Variants in SSBP3 observed in about 807,000 individuals in gnomAD.
SSBP3 encodes the protein single-stranded DNA-binding protein 3.
Under a neutral mutation model 69.6 loss-of-function variants are expected in SSBP3, and 5 were observed. That is an observed-to-expected ratio of 0.07 (90% CI 0.04 to 0.15). SSBP3 has a LOEUF of 0.15. Among genes scored for constraint, SSBP3 ranks in the 10% least tolerant of loss-of-function variants. SSBP3 has a pLI of 1.00. For missense variants in SSBP3, 312 were observed against 534.0 expected (o/e 0.58, Z 4.10); for synonymous variants, 196 against 193.4 (o/e 1.01, Z -0.11).
intron 4 of SSBP3, among the ~76,000 whole-genome samples, chr1:54,401,634 C>T (rs1649310810): frequency 6.6e-6 from 1 of 152,162 alleles, no homozygotes; most frequent in Non-Finnish European, 1.5e-5. Context: ...TAGATATCTA[C>T]ACAATTTTGC....
At chr1:54,259,869 AG>A (rs1644988790) in intron 5 of SSBP3, among the ~76,000 whole-genome samples, 1 of 152,226 alleles carries the variant, frequency 6.6e-6, no homozygotes, top group South Asian at 2.1e-4. Flanking sequence ...AATTTCAACA[AG>A]TGTGTGTCTT....
chr1:54,310,671 C>A (rs541912942), intron 4 of SSBP3, among the ~76,000 whole-genome samples: 53 of 121,636 alleles, frequency 4.4e-4, no homozygotes, highest in African/African-American at 1.6e-3. Context: ...CAGACCAGGG[C>A]AAGAGCAAGA....
chr1:54,335,007 G>C (rs1466293372), intron 4 of SSBP3, among the ~76,000 whole-genome samples: 1 of 152,198 alleles, frequency 6.6e-6, no homozygotes, highest in East Asian at 1.9e-4. Flanking sequence ...GCAGCACAGA[G>C]GCACTGCCCC....
chr1:54,297,808 T>C (rs1175502576), intron 4 of SSBP3, among the ~76,000 whole-genome samples: 1 of 152,160 alleles, frequency 6.6e-6, no homozygotes, highest in African/African-American at 2.4e-5. Flanking sequence ...AGGGAATGGA[T>C]TCACTTCCTG....
chr1:54,252,948 G>T (rs1370713575), intron 7 of SSBP3, among the ~76,000 whole-genome samples: 3 of 152,190 alleles, frequency 2.0e-5, no homozygotes, highest in African/African-American at 7.2e-5. Context: ...AGGCTGTGCT[G>T]CTGTGGGGGA....
At chr1:54,225,555 C>T in exon 18 of SSBP3, 1 of 644,076 alleles carries the variant, frequency 1.6e-6, no homozygotes, top group Non-Finnish European at 2.2e-6. Context: ...TAAGAAAAAA[C>T]ACAGAAACAG....
intron 4 of SSBP3, among the ~76,000 whole-genome samples, chr1:54,341,639 C>T (rs760935618): frequency 2.0e-5 from 3 of 151,454 alleles, no homozygotes; most frequent in East Asian, 3.9e-4. Context: ...TGCTACCTGC[C>T]GTAAAATATG....
intron 14 of SSBP3, among the ~76,000 whole-genome samples, chr1:54,231,101 T>A (rs1163658299): frequency 2.6e-5 from 4 of 152,222 alleles, no homozygotes; most frequent in Non-Finnish European, 5.9e-5. Flanking sequence ...GGCTGTCTGA[T>A]CTTTCGAGGA....
At chr1:54,259,137 A>G (rs1359011589) in intron 5 of SSBP3, among the ~76,000 whole-genome samples, 2 of 137,894 alleles carry the variant, frequency 1.5e-5, no homozygotes, top group Non-Finnish European at 3.1e-5. Context: ...CCACCGCCTC[A>G]ACCCTGGGCT....
At chr1:54,265,087 T>TG (rs1038727905) in intron 5 of SSBP3, among the ~76,000 whole-genome samples, 5 of 152,152 alleles carry the variant, frequency 3.3e-5, no homozygotes, top group Admixed American at 3.3e-4. Flanking sequence ...AAGCTCAGTC[T>TG]GGGGAGAAGG....
At chr1:54,243,931 T>G (rs927373350) in intron 9 of SSBP3, among the ~76,000 whole-genome samples, 2 of 152,092 alleles carry the variant, frequency 1.3e-5, no homozygotes, top group Non-Finnish European at 2.9e-5. Context: ...TGTGAGTTTT[T>G]TTTTGTTTTG....
rs375136445 is a variant in SSBP3, at chr1:54,397,992, A to G, written c.276+3869T>C. On this transcript the variant is annotated intron_variant, in intron 4 of 17. Coordinates refer to ENST00000610401, the Ensembl canonical transcript of SSBP3. ...GTGAACATGTCGGGGGGCACCAACC[A>G]GCATACCCGGTGCCAGGTATGCTTC... 1.4e-4 allele frequency among the ~76,000 whole-genome samples: 22 copies of G among 152,302 alleles called. 1 individual carries two copies. In the Middle Eastern group the frequency reaches 0.014, roughly 94 times the overall value.
intron 6 of SSBP3, among the ~76,000 whole-genome samples, chr1:54,257,643 G>C (rs371680405): frequency 8.5e-4 from 129 of 152,182 alleles, no homozygotes; most frequent in African/African-American, 2.6e-3. Flanking sequence ...AGCAAGGACT[G>C]GGGGGGAAAC....
rs191537587 is a variant in SSBP3, at chr1:54,275,223, C to T, written c.366+6215G>A. The stretch of plus-strand genomic sequence containing the variant: ...ACCAAGCAAGCCCGTCCGGGTCTCA[C>T]ATGACGGGGACTCAGCTCCTTCCCT... On this transcript the variant is annotated intron_variant, in intron 5 of 17. Transcript: ENST00000610401. Among the ~76,000 whole-genome samples the T allele has an allele frequency of 4.5e-3, 679 of 152,354 alleles. 6 individuals are homozygous for T. The highest frequency in any genetic ancestry group is 0.015 in the African/African-American group (643 of 41,590).
intron 4 of SSBP3, among the ~76,000 whole-genome samples, chr1:54,396,864 G>A (rs1648925486): frequency 6.6e-6 from 1 of 151,608 alleles, no homozygotes; most frequent in Admixed American, 6.6e-5. Context: ...TTGGGGTCTT[G>A]CCGCCACTTG....
At chr1:54,241,722 C>T (rs1194078873) in intron 11 of SSBP3, among the ~76,000 whole-genome samples, 2 of 152,214 alleles carry the variant, frequency 1.3e-5, no homozygotes, top group Admixed American at 1.3e-4. Context: ...GTCTCTTACT[C>T]CCCAGTCCTG....
chr1:54,384,420 T>G (rs1647928224), intron 4 of SSBP3, among the ~76,000 whole-genome samples: 1 of 152,258 alleles, frequency 6.6e-6, no homozygotes, highest in African/African-American at 2.4e-5. Flanking sequence ...GGCAGCCTCC[T>G]GATCCTCCCT....
chr1:54,231,851 C>T (rs868813629), intron 14 of SSBP3, among the ~76,000 whole-genome samples: 1 of 152,092 alleles, frequency 6.6e-6, no homozygotes, highest in Non-Finnish European at 1.5e-5. Context: ...CGCGCCACCA[C>T]ACCTGGCTAA....
chr1:54,273,461 G>A (rs922491442), intron 5 of SSBP3, among the ~76,000 whole-genome samples: 4 of 152,224 alleles, frequency 2.6e-5, no homozygotes, highest in Non-Finnish European at 5.9e-5. Flanking sequence ...TTTGTCCACT[G>A]TTGCTAGGAG....
Sources: allele counts gnomAD v4.1 joint callset (sites outside exome capture counted in the v4.1 genomes callset), GRCh38; gene constraint gnomAD v4.1.1; transcripts MANE v1.5; gene names NCBI Gene and HGNC (gene_info 2026-07-23, HGNC 2026-07-21).